RPL34: variants seen among roughly 807,000 people sequenced by gnomAD.
RPL34 encodes the protein ribosomal protein L34.
A neutral mutation model predicts 16.3 loss-of-function variants in RPL34; 2 were observed. That is an observed-to-expected ratio of 0.12 (90% CI 0.05 to 0.39). The LOEUF is 0.39. RPL34 is among the 10% of genes least tolerant of loss of function. The pLI is 0.99. For missense variants in RPL34, 82 were observed against 148.8 expected, an observed-to-expected ratio of 0.55 and a Z score of 2.33; for synonymous variants, 47 against 48.5, an observed-to-expected ratio of 0.97 and a Z score of 0.13.
At chr4:108,622,812 G>C (rs1478783751) in intron 4 of RPL34, 194 bp downstream of exon 4, 10 of 452,500 alleles carry the variant, frequency 2.2e-5, no homozygotes, top group Non-Finnish European at 3.1e-5. Context: ...GCATATTTAT[G>C]CTAGATGTGG....
In RPL34 at chr4:108,622,038, A is replaced by T; in HGVS notation, c.65+14A>T. 6.2e-7 allele frequency: 1 copy of T among 1,608,492 alleles called. No homozygotes were observed. Among genetic ancestry groups the T allele is most frequent in the South Asian group, 1.1e-5 (1 of 90,898 alleles). ...CAAAACTAGGCTGTAAGTATTTCTG[A>T]AAATTTTAAGTATATATTGTCATTT... On this transcript the variant is annotated intron_variant, in intron 2 of 4. Transcript: ENST00000394667.
chr4:108,628,772 G>A (rs1470206510), downstream of RPL34, among the ~76,000 whole-genome samples: 3 of 152,108 alleles, frequency 2.0e-5, no homozygotes, highest in African/African-American at 7.2e-5. Context: ...TAGACTATTT[G>A]GAAAGTTTGG....
chr4:108,622,067 C>T (rs776344531), intron 2 of RPL34, 38 bp from the exon 3 acceptor site: 21 of 1,591,756 alleles, frequency 1.3e-5, no homozygotes, highest in East Asian at 8.9e-5. Flanking sequence ...GTCATTTACT[C>T]TACAAAATGC....
In RPL34 at chr4:108,625,351, TTTTC is replaced by T. The variant is rs1458756446; in HGVS notation, c.*142_*145del. 5 of 537,402 alleles carry T rather than the reference TTTTC, an allele frequency of 9.3e-6. No homozygotes were observed. The African/African-American group carries it at 9.5e-5, about 10-fold the overall frequency. 33.3% of individuals were successfully genotyped at this position (537,402 alleles called of 1,614,324 possible). ...ACCCTATAGTTTTTAGCAGATTACT[TTTTC>T]TTGTTTTGTTTGTTGTTTGTTTGTT... On this transcript the variant is annotated 3_prime_UTR_variant, in exon 5 of 5. Coordinates refer to ENST00000394667, the MANE Select transcript of RPL34 (RefSeq NM_001319236.2).
At chr4:108,624,141 C>T (rs1260312324) in intron 4 of RPL34, among the ~76,000 whole-genome samples, 3 of 152,116 alleles carry the variant, frequency 2.0e-5, no homozygotes, top group East Asian at 3.9e-4. Flanking sequence ...TACAAATTCT[C>T]GGGCCTTATC....
chr4:108,622,608 G>T lies in RPL34; in HGVS notation c.259G>T (p.Val87Phe). 6.3e-7 allele frequency: 1 copy of T among 1,587,140 alleles called. No homozygotes were observed. Among genetic ancestry groups the T allele is most frequent in the Non-Finnish European group, 8.5e-7 (1 of 1,169,908 alleles). Residue 87 changes from valine to phenylalanine, a missense_variant, in exon 4 of 5, where the codon GTT becomes TTT. Val to Phe is a conservative substitution (Grantham distance 50). Transcript: ENST00000394667. ...AYGGSMCAKC[V>F]RDRIKRAFLI... ...TGGTGGTTCCATGTGTGCTAAATGT[G>T]TTCGTGACAGGTAAGTTAAATGCTT... is the stretch of plus-strand genomic sequence containing the variant.
At chr4:108,628,104 C>G (rs1726073942), downstream of RPL34, among the ~76,000 whole-genome samples, 1 of 152,186 alleles carries the variant, frequency 6.6e-6, no homozygotes, top group African/African-American at 2.4e-5. Flanking sequence ...TCAATGATAG[C>G]TGGGATCCCT....
In RPL34 at chr4:108,622,138, T is replaced by G. The variant is rs751509246; in HGVS notation, c.99T>G (p.Leu33=). 1.2e-6 allele frequency: 2 copies of G among 1,613,982 alleles called. No individual in the cohort carries two copies. The highest frequency in any genetic ancestry group is 1.1e-5 in the South Asian group (1 of 91,086). ...CCCCTGGTAATAGAATTGTTTACCTTTATACCAAGAAGGTTGGGAAAGCAC... is the reference window on the plus strand; with the variant it reads ...CCCCTGGTAATAGAATTGTTTACCTGTATACCAAGAAGGTTGGGAAAGCAC... ...SRTPGNRIVY[L]YTKKVGKAPK... Residue 33 remains leucine (L), a synonymous_variant, in exon 3 of 5, where the codon CTT becomes CTG. Coordinates refer to ENST00000394667, the MANE Select transcript of RPL34 (RefSeq NM_001319236.2).
At chr4:108,629,736 C>G (rs1295865329), downstream of RPL34, among the ~76,000 whole-genome samples, 3 of 152,014 alleles carry the variant, frequency 2.0e-5, no homozygotes, top group Non-Finnish European at 2.9e-5. Flanking sequence ...GTTCTTTTAC[C>G]CTTAAAAATA....
At chr4:108,621,235 TATTG>T (rs1426354277) in intron 1 of RPL34, 1 of 152,288 alleles carries the variant, frequency 6.6e-6, no homozygotes, top group Non-Finnish European at 1.5e-5. Flanking sequence ...TTAGTTCAAG[TATTG>T]ATTATGTTTT....
At chr4:108,626,512 G>T (rs1233201607), downstream of RPL34, among the ~76,000 whole-genome samples, 3 of 136,964 alleles carry the variant, frequency 2.2e-5, no homozygotes, top group Non-Finnish European at 4.5e-5. Context: ...GTACTGGCTC[G>T]ATTTCGGCTC....
chr4:108,627,518 G>A (rs1726054627), downstream of RPL34, among the ~76,000 whole-genome samples: 1 of 152,102 alleles, frequency 6.6e-6, no homozygotes, highest in Non-Finnish European at 1.5e-5. Context: ...TTTTGCAGAA[G>A]AGGAGTCACA....
downstream of RPL34, among the ~76,000 whole-genome samples, chr4:108,627,286 A>G (rs963463103): frequency 6.6e-6 from 1 of 152,056 alleles, no homozygotes; most frequent in Non-Finnish European, 1.5e-5. Flanking sequence ...GCTCACCCCT[A>G]TAGTCCCAGT....
intron 4 of RPL34, among the ~76,000 whole-genome samples, chr4:108,624,388 G>C (rs944265335): frequency 6.6e-6 from 1 of 152,172 alleles, no homozygotes; most frequent in Non-Finnish European, 1.5e-5. Context: ...TGGGGTGGGG[G>C]AAGGTTTAAG....
intron 4 of RPL34, among the ~76,000 whole-genome samples, chr4:108,624,205 G>T (rs1191051434): frequency 6.6e-6 from 1 of 152,198 alleles, no homozygotes; most frequent in Non-Finnish European, 1.5e-5. Context: ...AGCATTGTTA[G>T]CTGTGATGCT....
intron 4 of RPL34, among the ~76,000 whole-genome samples, chr4:108,623,658 G>A (rs1356385925): frequency 3.3e-5 from 5 of 152,068 alleles, no homozygotes; most frequent in Non-Finnish European, 7.4e-5. Context: ...TGTCAGCCTC[G>A]ACCTCCCAAA....
chr4:108,630,353 C>T (rs1211846475), downstream of RPL34: 3 of 151,944 alleles, frequency 2.0e-5, no homozygotes, highest in Admixed American at 1.3e-4. Flanking sequence ...ATTAATACTT[C>T]GATTCTGTAA....
downstream of RPL34, among the ~76,000 whole-genome samples, chr4:108,627,779 T>C (rs949169927): frequency 6.6e-6 from 1 of 151,976 alleles, no homozygotes; most frequent in Non-Finnish European, 1.5e-5. Context: ...GAAGAATCGC[T>C]TGAACCTGTG....
downstream of RPL34, among the ~76,000 whole-genome samples, chr4:108,625,763 T>C (rs1057314173): frequency 3.3e-5 from 5 of 152,206 alleles, no homozygotes; most frequent in Admixed American, 1.3e-4. Context: ...TACCGCTGCA[T>C]TGGAGCATAA....
Sources: allele counts gnomAD v4.1 joint callset (sites outside exome capture counted in the v4.1 genomes callset), GRCh38; gene constraint gnomAD v4.1.1; transcripts MANE v1.5; gene names NCBI Gene and HGNC (gene_info 2026-07-23, HGNC 2026-07-21).